The following BNC2 variants were observed in gnomAD, a reference collection of about 807,000 sequenced individuals.
BNC2 encodes the protein basonuclin zinc finger protein 2.
Under a neutral mutation model 76.3 loss-of-function variants are expected in BNC2, and 20 were observed. That is an observed-to-expected ratio of 0.26 (90% CI 0.18 to 0.38). BNC2 has a LOEUF of 0.38. BNC2 is among the 10% of genes least tolerant of loss of function. BNC2 has a pLI of 1.00. For synonymous variants in BNC2, 582 were observed against 514.8 expected, an observed-to-expected ratio of 1.13 and a Z score of -1.77; for missense variants, 1,382 against 1,399.8, an observed-to-expected ratio of 0.99 and a Z score of 0.20.
chr9:16,731,981 A>G (rs2135042896), intron 2 of BNC2, among the ~76,000 whole-genome samples: 1 of 152,250 alleles, frequency 6.6e-6, no homozygotes, highest in East Asian at 1.9e-4. Context: ...CATTTCAGTT[A>G]GTGTGGGATA....
intron 5 of BNC2, among the ~76,000 whole-genome samples, chr9:16,448,225 T>C (rs1821266740): frequency 6.6e-6 from 1 of 152,144 alleles, no homozygotes; most frequent in Non-Finnish European, 1.5e-5. Flanking sequence ...GTTCCACTAC[T>C]AAATTTGTAG....
At chr9:16,585,646 C>A (rs1425939157) in intron 3 of BNC2, among the ~76,000 whole-genome samples, 1 of 152,158 alleles carries the variant, frequency 6.6e-6, no homozygotes, top group South Asian at 2.1e-4. Context: ...CTTTGACATA[C>A]TATTTATTCA....
chr9:16,570,969 T>C (rs1288959217), intron 4 of BNC2, among the ~76,000 whole-genome samples: 1 of 152,214 alleles, frequency 6.6e-6, no homozygotes, highest in African/African-American at 2.4e-5. Flanking sequence ...GTAACCCTAA[T>C]TTCTAATTAG....
chr9:16,463,564 G>A (rs1034729770), intron 5 of BNC2, among the ~76,000 whole-genome samples: 2 of 143,608 alleles, frequency 1.4e-5, no homozygotes, highest in Non-Finnish European at 2.9e-5. Flanking sequence ...CCAAAGTGCT[G>A]GGACTACAGG....
chr9:16,699,102 T>C, intron 3 of BNC2: 2 of 439,980 alleles, frequency 4.5e-6, no homozygotes, highest in South Asian at 3.4e-5. Flanking sequence ...AGTGATTTTG[T>C]TGTTGCTGTT....
intron 1 of BNC2, among the ~76,000 whole-genome samples, chr9:16,811,584 A>C (rs539244593): frequency 1.3e-5 from 2 of 150,372 alleles, no homozygotes; most frequent in Admixed American, 1.3e-4. Flanking sequence ...AACAGTGTAC[A>C]GGGAAAATCA....
intron 3 of BNC2, among the ~76,000 whole-genome samples, chr9:16,724,140 A>G (rs1824246310): frequency 6.6e-6 from 1 of 152,064 alleles, no homozygotes; most frequent in East Asian, 1.9e-4. Flanking sequence ...CTCACCAATA[A>G]TAAAAGGTAA....
intron 3 of BNC2, among the ~76,000 whole-genome samples, chr9:16,690,377 A>C (rs1290606037): frequency 6.6e-6 from 1 of 152,168 alleles, no homozygotes; most frequent in African/African-American, 2.4e-5. Context: ...GGATTACTTA[A>C]GCCCAAGAGT....
At position 16,631,895 on chromosome 9, in the gene BNC2, G is replaced by A. The variant is rs376918538; in HGVS notation, c.331-48810C>T. Among the ~76,000 whole-genome samples, 63 of 152,292 alleles carry A rather than the reference G, an allele frequency of 4.1e-4. 2 individuals carry two copies. The South Asian group carries it at 0.013, about 31-fold the overall frequency. On this transcript the variant is annotated intron_variant, in intron 3 of 6. Transcript: ENST00000380672. The stretch of plus-strand genomic sequence containing the variant: ...AAATACAAGTTTAGTAGCCAACCAG[G>A]CAAGATAAGGACTAGGGAGAACAAC...
chr9:16,815,784 A>C (rs551232766), intron 1 of BNC2, among the ~76,000 whole-genome samples: 10 of 152,210 alleles, frequency 6.6e-5, no homozygotes, highest in Non-Finnish European at 1.2e-4. Context: ...CCTACCAAGT[A>C]AATAGTTAGT....
At chr9:16,769,094 T>C (rs897376097) in intron 1 of BNC2, among the ~76,000 whole-genome samples, 2 of 152,186 alleles carry the variant, frequency 1.3e-5, no homozygotes, top group African/African-American at 4.8e-5. Context: ...GAATTACAAA[T>C]AGGACCCTGG....
chr9:16,530,718 T>A (rs1184487090), intron 5 of BNC2, among the ~76,000 whole-genome samples: 1 of 152,238 alleles, frequency 6.6e-6, no homozygotes, highest in Non-Finnish European at 1.5e-5. Flanking sequence ...GTATATGTTG[T>A]AAGCTGTGTG....
chr9:16,833,911 A>G (rs1818641227), intron 1 of BNC2, among the ~76,000 whole-genome samples: 1 of 152,054 alleles, frequency 6.6e-6, no homozygotes, highest in Non-Finnish European at 1.5e-5. Flanking sequence ...ACCAATTACA[A>G]TGGCCTGTCC....
chr9:16,519,934 C>A (rs1304646560), intron 5 of BNC2, among the ~76,000 whole-genome samples: 1 of 152,200 alleles, frequency 6.6e-6, no homozygotes. Flanking sequence ...TCAACAGACA[C>A]TGGCAGGGAC....
chr9:16,620,443 G>A (rs1820834820), intron 3 of BNC2, among the ~76,000 whole-genome samples: 1 of 152,164 alleles, frequency 6.6e-6, no homozygotes, highest in Non-Finnish European at 1.5e-5. Context: ...CATTAAAAAT[G>A]TGCCCCTTCA....
chr9:16,536,282 CT>C (rs1818127981), intron 5 of BNC2, among the ~76,000 whole-genome samples: 1 of 152,094 alleles, frequency 6.6e-6, no homozygotes, highest in African/African-American at 2.4e-5. Context: ...TCAGAATGGA[CT>C]TTGTTAAAGG....
chr9:16,553,900 G>C (rs1000800668), intron 4 of BNC2, among the ~76,000 whole-genome samples: 1 of 152,160 alleles, frequency 6.6e-6, no homozygotes, highest in African/African-American at 2.4e-5. Flanking sequence ...TAACGAGTGA[G>C]AGGCACTCTA....
At chr9:16,550,704 T>C (rs1818633096) in intron 5 of BNC2, among the ~76,000 whole-genome samples, 1 of 152,154 alleles carries the variant, frequency 6.6e-6, no homozygotes, top group South Asian at 2.1e-4. Flanking sequence ...AGGCAACACA[T>C]ACACATGAAA....
chr9:16,710,501 T>G (rs1365771411), intron 3 of BNC2, among the ~76,000 whole-genome samples: 1 of 152,216 alleles, frequency 6.6e-6, no homozygotes, highest in Non-Finnish European at 1.5e-5. Flanking sequence ...GACCACAGAG[T>G]ACACTATTTT....
Sources: allele counts gnomAD v4.1 joint callset (sites outside exome capture counted in the v4.1 genomes callset), GRCh38; gene constraint gnomAD v4.1.1; transcripts MANE v1.5; gene names NCBI Gene and HGNC (gene_info 2026-07-23, HGNC 2026-07-21).